UBAP2: variants seen among roughly 807,000 people sequenced by gnomAD.
UBAP2 encodes the protein ubiquitin associated protein 2, also known as ubiquitin-associated protein 2.
Under a neutral mutation model 139.6 loss-of-function variants are expected in UBAP2, and 75 were observed. The observed-to-expected ratio is 0.54, with a 90% CI of 0.45 to 0.65. The LOEUF is 0.65. Ranked by LOEUF, UBAP2 falls within the 30% of genes least tolerant of loss-of-function variation. The pLI is 0.00. For synonymous variants in UBAP2, 526 were observed against 526.2 expected, an observed-to-expected ratio of 1.00 and a Z score of 0.01; for missense variants, 1,368 against 1,369.6, an observed-to-expected ratio of 1.00 and a Z score of 0.02.
At chr9:33,939,189 C>CTTTTTTTTTTTTTTTTTT (rs72150705) in intron 16 of UBAP2, among the ~76,000 whole-genome samples, 1 of 78,592 alleles carries the variant, frequency 1.3e-5, no homozygotes, top group Non-Finnish European at 2.3e-5. Context: ...TTTCCTATGT[C>CTTTTTTTTTTTTTTTTTT]TTTTTTTTTT....
intron 5 of UBAP2, among the ~76,000 whole-genome samples, chr9:33,988,521 C>T (rs1044563321): frequency 6.6e-6 from 1 of 152,192 alleles, no homozygotes; most frequent in Non-Finnish European, 1.5e-5. Flanking sequence ...CTTGTCTATA[C>T]CATGAGTGTC....
At chr9:33,926,754 G>A in intron 21 of UBAP2, 90 bp from the exon 22 acceptor site, 1 of 1,367,502 alleles carries the variant, frequency 7.3e-7, no homozygotes, top group Non-Finnish European at 1.0e-6. Flanking sequence ...AAGGTTGGGG[G>A]GCTCTAACAC....
chr9:33,951,270 G>A lies in UBAP2; in HGVS notation c.1056+2015C>T, dbSNP rs1040150013. On this transcript the variant is annotated intron_variant, in intron 12 of 28. Coordinates refer to ENST00000379238, the MANE Select transcript of UBAP2 (RefSeq NM_001370062.2). ...GGCATCTCATAATCTTCCAGCCTCA[G>A]CCTCCCAAAGTTCTGGGATTTACAG... Among the ~76,000 whole-genome samples the A allele has an allele frequency of 1.6e-4, 24 of 149,254 alleles. 1 individual carries two copies. Among genetic ancestry groups the A allele is most frequent in the South Asian group, 1.1e-3 (5 of 4,724 alleles).
intron 13 of UBAP2, 95 bp from the exon 14 acceptor site, chr9:33,944,734 T>C (rs1289271855): frequency 7.2e-7 from 1 of 1,391,670 alleles, no homozygotes; most frequent in African/African-American, 1.4e-5. Flanking sequence ...TTTCTCCAAA[T>C]CATTTCCAGT....
intron 1 of UBAP2, among the ~76,000 whole-genome samples, chr9:34,037,943 T>G (rs1312218484): frequency 6.9e-6 from 1 of 145,650 alleles, no homozygotes; most frequent in Non-Finnish European, 1.5e-5. Context: ...AGGTGAGCAC[T>G]TGAACCCAGA....
At chr9:34,009,223 C>T (rs1823526632) in intron 2 of UBAP2, among the ~76,000 whole-genome samples, 2 of 151,646 alleles carry the variant, frequency 1.3e-5, no homozygotes, top group Admixed American at 1.3e-4. Context: ...CCTCACCCTT[C>T]AAGTAGCTGG....
chr9:34,018,519 A>C (rs1392104813), intron 1 of UBAP2, among the ~76,000 whole-genome samples: 1 of 152,110 alleles, frequency 6.6e-6, no homozygotes, highest in African/African-American at 2.4e-5. Context: ...AGGCACCAAA[A>C]ACAAATCTCA....
intron 2 of UBAP2, among the ~76,000 whole-genome samples, chr9:34,003,125 C>G (rs1404880950): frequency 6.6e-6 from 1 of 151,242 alleles, no homozygotes; most frequent in Admixed American, 6.6e-5. Flanking sequence ...GCTCTCGGCT[C>G]GCTGCAACCT....
At chr9:34,022,798 CA>C (rs1356728935) in intron 1 of UBAP2, among the ~76,000 whole-genome samples, 2 of 152,102 alleles carry the variant, frequency 1.3e-5, no homozygotes, top group African/African-American at 4.8e-5. Flanking sequence ...AGCATCTAAT[CA>C]AAAGCTAACT....
At chr9:34,017,336 G>C (rs1824456716) in intron 1 of UBAP2, 147 bp from the exon 2 acceptor site, 2 of 470,144 alleles carry the variant, frequency 4.3e-6, no homozygotes, top group East Asian at 6.9e-5. Flanking sequence ...TTTACATTTT[G>C]CTGGTATCTG....
intron 16 of UBAP2, among the ~76,000 whole-genome samples, chr9:33,941,388 G>A (rs1425939176): frequency 6.6e-6 from 1 of 152,138 alleles, no homozygotes. Context: ...GAAGTACCCA[G>A]TACTACAGCC....
At chr9:34,018,926 A>G (rs1032523143) in intron 1 of UBAP2, among the ~76,000 whole-genome samples, 5 of 152,132 alleles carry the variant, frequency 3.3e-5, no homozygotes, top group Non-Finnish European at 7.3e-5. Flanking sequence ...ACCATTATTC[A>G]TAATAGCCAA....
At chr9:34,014,313 C>G (rs943942840) in intron 2 of UBAP2, among the ~76,000 whole-genome samples, 2 of 98,452 alleles carry the variant, frequency 2.0e-5, no homozygotes, top group Admixed American at 1.7e-4. Flanking sequence ...GGCTACAGAG[C>G]GAGACTGTCT....
At chr9:34,019,115 T>C (rs1824666054) in intron 1 of UBAP2, among the ~76,000 whole-genome samples, 1 of 151,818 alleles carries the variant, frequency 6.6e-6, no homozygotes, top group Non-Finnish European at 1.5e-5. Context: ...AAAGGACAAA[T>C]AAGGCTAGGG....
At chr9:34,022,850 G>A (rs1313749184) in intron 1 of UBAP2, among the ~76,000 whole-genome samples, 2 of 152,148 alleles carry the variant, frequency 1.3e-5, no homozygotes, top group Admixed American at 6.6e-5. Context: ...TTTAAGAAGT[G>A]AGTAGTTTAC....
chr9:33,937,509 A>G (rs1310202394), intron 16 of UBAP2, among the ~76,000 whole-genome samples: 1 of 149,974 alleles, frequency 6.7e-6, no homozygotes, highest in Non-Finnish European at 1.5e-5. Flanking sequence ...CGGGAGGCTG[A>G]GGAAAGAGAA....
chr9:34,018,803 C>CA (rs1295043694), intron 1 of UBAP2, among the ~76,000 whole-genome samples: 1 of 152,066 alleles, frequency 6.6e-6, no homozygotes, highest in African/African-American at 2.4e-5. Flanking sequence ...GTGGAGCTTG[C>CA]AGTGAGCTGA....
In UBAP2 at chr9:33,953,418, G is replaced by A. The variant is rs756060378; in HGVS notation, c.923C>T (p.Ala308Val). Residue 308 changes from alanine to valine, a missense_variant, in exon 12 of 29, where the codon GCC becomes GTC. Physicochemically the swap from Ala to Val is moderately conservative, Grantham distance 64 (BLOSUM62 0). Coordinates refer to ENST00000379238, the MANE Select transcript of UBAP2 (RefSeq NM_001370062.2). Reference sequence around the variant, plus strand: ...CTGTTGGGAAGTTTCAAAGGAGTTGGCTTCTGAGGCTTGACTGTGAGGAAC... The same window carrying A: ...CTGTTGGGAAGTTTCAAAGGAGTTGACTTCTGAGGCTTGACTGTGAGGAAC... ...KPVPHSQASE[A>V]NSFETSQQQG... The A allele has an allele frequency of 6.2e-6, 10 of 1,614,046 alleles. No individual in the cohort carries two copies. In the East Asian group the frequency reaches 1.6e-4, roughly 25 times the overall value.
Position 34,035,514 on chromosome 9 carries a change from A to AAAAAATATATATATATATATAT in UBAP2, c.-42+13310_-42+13311insATATATATATATATATATTTTT. On this transcript the variant is annotated intron_variant, in intron 1 of 28. Transcript: ENST00000379238. ...GAGACTCCATCTAAAAAAAAAAAAA[A>AAAAAATATATATATATATATAT]ATATATATATATAAAGATTAGCCAG... Among the ~76,000 whole-genome samples, 10 of 22,484 alleles carry AAAAAATATATATATATATATAT rather than the reference A, an allele frequency of 4.4e-4. 2 individuals are homozygous for AAAAAATATATATATATATATAT. The highest frequency in any genetic ancestry group is 8.8e-4 in the Non-Finnish European group (9 of 10,244). 14.8% of individuals were successfully genotyped at this position (22,484 alleles called of 152,430 possible). A position where few individuals can be genotyped will look rare whatever the true frequency, so the allele number is the denominator to read the frequency against.
Sources: gnomAD v4.1 joint callset for allele counts (sites outside exome capture counted in the v4.1 genomes callset) on GRCh38, gnomAD v4.1.1 for gene constraint, MANE v1.5 for transcripts, NCBI Gene and HGNC (gene_info 2026-07-23, HGNC 2026-07-21) for gene names.